Variants in NSUN6 observed in about 807,000 individuals in gnomAD.
NSUN6 encodes the protein NOP2/Sun RNA methyltransferase 6.
In NSUN6, 64 loss-of-function variants were observed where a neutral mutation model predicts 58.0. The ratio of observed to expected loss-of-function variants is 1.10; its 90% CI spans 0.90 to 1.36. The LOEUF (loss-of-function observed/expected upper bound fraction) is 1.36. Among genes scored for constraint, NSUN6 ranks in the 40% most tolerant of loss-of-function variants. The probability of loss-of-function intolerance (pLI) is 0.00; values close to 1 mark genes in which losing one functional copy is unlikely to be tolerated. For missense variants in NSUN6, 701 were observed against 550.1 expected, an observed-to-expected ratio of 1.27 and a Z score of -2.74; for synonymous variants, 231 against 193.9, an observed-to-expected ratio of 1.19 and a Z score of -1.59.
chr10:18,622,134 T>G (rs902904354), intron 3 of NSUN6, among the ~76,000 whole-genome samples: 3 of 152,074 alleles, frequency 2.0e-5, no homozygotes, highest in Admixed American at 6.6e-5. Flanking sequence ...AAAATTCACA[T>G]GCTGAAACCC....
intron 3 of NSUN6, among the ~76,000 whole-genome samples, chr10:18,627,443 G>A (rs1279483292): frequency 3.3e-5 from 5 of 152,216 alleles, no homozygotes; most frequent in Non-Finnish European, 7.3e-5. Flanking sequence ...CCGGTCTACA[G>A]CTCCCAGCGT....
At chr10:18,623,306 G>A (rs1433881560) in intron 3 of NSUN6, among the ~76,000 whole-genome samples, 1 of 152,044 alleles carries the variant, frequency 6.6e-6, no homozygotes, top group African/African-American at 2.4e-5. Flanking sequence ...AAAAATCAGA[G>A]GAAGAAAACT....
intron 2 of NSUN6, among the ~76,000 whole-genome samples, chr10:18,646,064 G>A (rs189059003): frequency 1.9e-4 from 29 of 152,062 alleles, no homozygotes; most frequent in African/African-American, 5.3e-4. Flanking sequence ...GCATTGTGGC[G>A]AGTGCATATA....
At chr10:18,570,721 T>A (rs1195516015) in intron 8 of NSUN6, among the ~76,000 whole-genome samples, 2 of 149,724 alleles carry the variant, frequency 1.3e-5, no homozygotes, top group African/African-American at 4.9e-5. Flanking sequence ...TTCCATTCCA[T>A]TCTCCACTCC....
At chr10:18,549,476 C>T (rs370527643) in intron 9 of NSUN6, among the ~76,000 whole-genome samples, 1 of 152,166 alleles carries the variant, frequency 6.6e-6, no homozygotes, top group East Asian at 1.9e-4. Flanking sequence ...GTTCCTTTAG[C>T]TTGCTCCATA....
intron 3 of NSUN6, among the ~76,000 whole-genome samples, chr10:18,625,720 T>TA (rs71402188): frequency 0.086 from 4,649 of 53,994 alleles, 358 homozygotes; most frequent in Non-Finnish European, 0.12. Context: ...GTTTTTTTTT[T>TA]AAAAAAAAAA....
chr10:18,594,740 G>T (rs895732760), intron 7 of NSUN6, among the ~76,000 whole-genome samples: 4 of 152,080 alleles, frequency 2.6e-5, no homozygotes, highest in Non-Finnish European at 5.9e-5. Context: ...CTGCATTGCT[G>T]CCCCACTGTG....
chr10:18,588,390 C>A lies in NSUN6; in HGVS notation c.778-2297G>T, dbSNP rs538276375. Reference sequence around the variant, plus strand: ...GCGGGCTCTGAAGAGAGAAGCTGATCCTGACAAGGGGGATTCTCCCAGCAC... The same window carrying A: ...GCGGGCTCTGAAGAGAGAAGCTGATACTGACAAGGGGGATTCTCCCAGCAC... On this transcript the variant is annotated intron_variant, in intron 7 of 10. Coordinates refer to ENST00000377304, the MANE Select transcript of NSUN6 (RefSeq NM_182543.5). 2.6e-5 allele frequency among the ~76,000 whole-genome samples: 4 copies of A among 152,306 alleles called. No homozygotes were observed. The South Asian group carries it at 8.3e-4, about 32-fold the overall frequency.
At chr10:18,639,797 G>C (rs1354523382) in intron 3 of NSUN6, among the ~76,000 whole-genome samples, 1 of 152,106 alleles carries the variant, frequency 6.6e-6, no homozygotes, top group Admixed American at 6.5e-5. Context: ...AGCCAGTATT[G>C]GCAAGAATGA....
At chr10:18,586,924 C>T (rs1239576726) in intron 7 of NSUN6, among the ~76,000 whole-genome samples, 2 of 152,126 alleles carry the variant, frequency 1.3e-5, no homozygotes, top group Non-Finnish European at 2.9e-5. Flanking sequence ...AGACACAGAG[C>T]ACTGATTGGT....
chr10:18,579,931 C>T (rs530610323), intron 8 of NSUN6, among the ~76,000 whole-genome samples: 1 of 152,254 alleles, frequency 6.6e-6, no homozygotes, highest in East Asian at 1.9e-4. Flanking sequence ...AGCAGGTTTG[C>T]CCTAACCCGT....
chr10:18,604,972 G>A (rs977733414), intron 6 of NSUN6, among the ~76,000 whole-genome samples: 27 of 148,778 alleles, frequency 1.8e-4, no homozygotes, highest in African/African-American at 6.2e-4. Context: ...TGCAAACTCC[G>A]CCTCCCGGGT....
intron 5 of NSUN6, among the ~76,000 whole-genome samples, chr10:18,610,635 G>T (rs1259832535): frequency 6.6e-6 from 1 of 152,126 alleles, no homozygotes; most frequent in African/African-American, 2.4e-5. Context: ...TTTAGGAGTG[G>T]CATTGAAAAT....
chr10:18,550,731 T>C (rs1169362139), intron 9 of NSUN6, among the ~76,000 whole-genome samples: 6 of 67,822 alleles, frequency 8.8e-5, no homozygotes, highest in East Asian at 3.3e-4. Flanking sequence ...AAAATCTCTT[T>C]TTTTTTTTTT....
chr10:18,636,365 A>AG (rs2059214112), intron 3 of NSUN6, among the ~76,000 whole-genome samples: 1 of 151,892 alleles, frequency 6.6e-6, no homozygotes. Context: ...TGTTAAAAAA[A>AG]AAAAAAAAAA....
chr10:18,586,533 G>A (rs2057151655), intron 7 of NSUN6, among the ~76,000 whole-genome samples: 1 of 151,622 alleles, frequency 6.6e-6, no homozygotes, highest in South Asian at 2.1e-4. Context: ...TTGCTGACTT[G>A]GGGAGTGAAG....
chr10:18,652,256 A>G (rs1469473945), upstream of NSUN6: 39 of 984,356 alleles, frequency 4.0e-5, no homozygotes, highest in Non-Finnish European at 4.6e-5. Context: ...AGACAAGGAT[A>G]TAGATTCAAA....
At chr10:18,553,048 A>G (rs1237322877) in intron 8 of NSUN6, among the ~76,000 whole-genome samples, 1 of 144,726 alleles carries the variant, frequency 6.9e-6, no homozygotes, top group African/African-American at 2.6e-5. Context: ...TCTCCATTCC[A>G]TTTCCCAATC....
At chr10:18,637,628 T>C (rs1178443211) in intron 3 of NSUN6, among the ~76,000 whole-genome samples, 2 of 152,244 alleles carry the variant, frequency 1.3e-5, no homozygotes, top group Non-Finnish European at 2.9e-5. Context: ...TTCTGTGTCA[T>C]ATCAGTTTGT....
Sources: allele counts gnomAD v4.1 joint callset (sites outside exome capture counted in the v4.1 genomes callset), GRCh38; gene constraint gnomAD v4.1.1; transcripts MANE v1.5; gene names NCBI Gene and HGNC (gene_info 2026-07-23, HGNC 2026-07-21).